The following TEX14 variants were observed in gnomAD, a reference collection of about 807,000 sequenced individuals.
The protein encoded by TEX14 is inactive serine/threonine-protein kinase TEX14.
Under a neutral mutation model 178.6 loss-of-function variants are expected in TEX14, and 168 were observed. The ratio of observed to expected loss-of-function variants is 0.94; its 90% CI spans 0.83 to 1.07. The LOEUF is 1.07. TEX14 is among the 50% of genes least tolerant of loss of function. The pLI is 0.00. For missense variants in TEX14, 1,730 were observed against 1,753.6 expected (o/e 0.99, Z 0.24); for synonymous variants, 626 against 634.1 (o/e 0.99, Z 0.19).
intron 25 of TEX14, 28 bp downstream of exon 25, chr17:58,570,357 T>G: frequency 7.0e-7 from 1 of 1,428,092 alleles, no homozygotes; most frequent in South Asian, 1.5e-5. Flanking sequence ...GATTATAAAC[T>G]TCTATTTTGA....
In TEX14 at chr17:58,615,270, C is replaced by T; in HGVS notation, c.843G>A (p.Arg281=). The change falls in exon 8 of 32, where the codon CGG becomes CGA. Residue 281 remains arginine, a synonymous_variant. Coordinates refer to ENST00000349033, the MANE Select transcript of TEX14 (RefSeq NM_031272.5). ...LPTHPHCSRL[R]LADLLIAEQE... ...GCTCGGCAATTAACAAGTCGGCCAG[C>T]CGCAGCCTGCTGCAGTGTGGGTGGG... 6.2e-7 allele frequency: 1 copy of T among 1,613,808 alleles called. No homozygotes were observed.
intron 19 of TEX14, 99 bp downstream of exon 19, chr17:58,584,401 C>A (rs2044900474): frequency 1.2e-6 from 1 of 819,644 alleles, no homozygotes; most frequent in Non-Finnish European, 2.1e-6. Context: ...AAAAGAACTA[C>A]TATAGCTATT....
At chr17:58,691,397 G>A (rs907137880) in intron 1 of TEX14, among the ~76,000 whole-genome samples, 30 of 151,872 alleles carry the variant, frequency 2.0e-4, no homozygotes, top group African/African-American at 3.6e-4. Context: ...GGCCGGGCGC[G>A]GTGGCTCACG....
In TEX14 at chr17:58,602,434, T is replaced by C; in HGVS notation, c.1493A>G (p.Gln498Arg). ...VKQKDRTMNL[Q>R]DIRYILKNDL... ...ATTCTTCAGAATATACCGGATATCT[T>C]GAAGGTTCATAGTTCGGTCTTTCTG... The change falls in exon 12 of 32, where the codon CAA becomes CGA. Residue 498 changes from glutamine (Q) to arginine (R), a missense_variant. Coordinates refer to ENST00000349033, the MANE Select transcript of TEX14 (RefSeq NM_031272.5). 6.2e-7 allele frequency: 1 copy of C among 1,614,084 alleles called. No homozygotes were observed. Among genetic ancestry groups the C allele is most frequent in the Non-Finnish European group, 8.5e-7 (1 of 1,180,000 alleles).
intron 9 of TEX14, among the ~76,000 whole-genome samples, chr17:58,612,812 G>A (rs1016140686): frequency 1.3e-5 from 2 of 151,704 alleles, no homozygotes; most frequent in Non-Finnish European, 2.9e-5. Flanking sequence ...GGAGGCTGAT[G>A]CAGGATCATT....
chr17:58,607,435 C>T (rs2045635306), intron 10 of TEX14, among the ~76,000 whole-genome samples: 1 of 152,182 alleles, frequency 6.6e-6, no homozygotes, highest in South Asian at 2.1e-4. Context: ...CTCATGGTCT[C>T]ATGGCTGGTG....
In TEX14 at chr17:58,579,797, A is replaced by G. The variant is rs1011888556; in HGVS notation, c.3172-66T>C. 7 of 1,261,524 alleles carry G rather than the reference A, an allele frequency of 5.5e-6. No homozygotes were observed. The Admixed American group carries it at 5.6e-5, about 10-fold the overall frequency. The allele number at this position is 1,261,524 out of a possible 1,614,324, so 78.1% of individuals were successfully genotyped here. ...TGGAGGCAGACATATTAAAAGGTCA[A>G]TAATTTCTTGATGTTCTTAAATCTT... On this transcript the variant is annotated intron_variant, in intron 19 of 31. Transcript: ENST00000349033.
intron 1 of TEX14, among the ~76,000 whole-genome samples, chr17:58,668,305 C>T (rs1248313965): frequency 6.6e-6 from 1 of 152,212 alleles, no homozygotes; most frequent in African/African-American, 2.4e-5. Flanking sequence ...GGTCTCTATA[C>T]CTATCCTGAT....
At chr17:58,563,665 A>G (rs1369832871) in intron 28 of TEX14, among the ~76,000 whole-genome samples, 1 of 15,964 alleles carries the variant, frequency 6.3e-5, no homozygotes, top group African/African-American at 3.3e-4. Flanking sequence ...ATATAGAGAG[A>G]GAGAGAGAGA....
intron 1 of TEX14, chr17:58,661,119 T>C (rs368201474): frequency 2.9e-4 from 260 of 899,774 alleles, no homozygotes; most frequent in Non-Finnish European, 4.5e-4. Context: ...TATCGCTCTA[T>C]TTTAGCCTGT....
chr17:58,638,586 T>A (rs1482092799), intron 2 of TEX14, among the ~76,000 whole-genome samples: 7 of 152,314 alleles, frequency 4.6e-5, no homozygotes, highest in Non-Finnish European at 1.0e-4. Flanking sequence ...TTACCCAGGC[T>A]GGAGTGCAGT....
At chr17:58,654,481 T>C (rs1254514527) in intron 1 of TEX14, among the ~76,000 whole-genome samples, 1 of 148,008 alleles carries the variant, frequency 6.8e-6, no homozygotes, top group Non-Finnish European at 1.5e-5. Context: ...ATAGAAGCTT[T>C]GGAAAAAAAA....
chr17:58,661,021 T>G (rs758232526), intron 1 of TEX14: 1 of 1,158,178 alleles, frequency 8.6e-7, no homozygotes, highest in Admixed American at 1.7e-5. Context: ...GAAGATAATA[T>G]TCACGAACAC....
In TEX14 at chr17:58,621,780, C is replaced by G. The variant is rs1357680056; in HGVS notation, c.424G>C (p.Glu142Gln). 6.2e-7 allele frequency: 1 copy of G among 1,612,974 alleles called. No homozygotes were observed. Among genetic ancestry groups the G allele is most frequent in the Admixed American group, 1.7e-5 (1 of 59,772 alleles). ...AGKERSTQIV[E>Q]FMQRCASHMQ... ...TGTGAGGCACAGCGCTGCATGAACT[C>G]CACTATCTGCAAAACATCGCAGAGA... Residue 142 changes from glutamate to glutamine, a missense_variant, in exon 5 of 32, where the codon GAG becomes CAG. Transcript: ENST00000349033.
intron 10 of TEX14, among the ~76,000 whole-genome samples, chr17:58,609,853 G>C (rs2045703929): frequency 1.3e-5 from 2 of 152,220 alleles, no homozygotes; most frequent in Admixed American, 6.5e-5. Context: ...GCCTCATGTA[G>C]CTTTTCATCT....
chr17:58,584,554 A>T lies in TEX14; in HGVS notation c.3117T>A (p.Ser1039Arg). Residue 1039 changes from serine to arginine, a missense_variant, in exon 19 of 32, where the codon AGT becomes AGA. Physicochemically the swap from Ser to Arg is moderately radical, Grantham distance 110. Coordinates refer to ENST00000349033, the MANE Select transcript of TEX14 (RefSeq NM_031272.5). Reference sequence around the variant, plus strand: ...TGTCAGAACTTGCTTGGAAGGCTTCACTATGCTCTGGTTGCTCCTTTTGTC... The same window carrying T: ...TGTCAGAACTTGCTTGGAAGGCTTCTCTATGCTCTGGTTGCTCCTTTTGTC... ...SPRQKEQPEH[S>R]EAFQASSDTL... The T allele has an allele frequency of 6.2e-7, 1 of 1,614,138 alleles. No homozygotes were observed. Among genetic ancestry groups the T allele is most frequent in the Non-Finnish European group, 8.5e-7 (1 of 1,180,020 alleles).
Position 58,586,678 on chromosome 17 carries a change from G to A in TEX14, c.2789-596C>T, listed in dbSNP as rs151251030. Reference sequence around the variant, plus strand: ...ATAATGTTATATAGTAAATATCTATGTAGCAGTTCCTCAAATAATGTCATT... The same window carrying A: ...ATAATGTTATATAGTAAATATCTATATAGCAGTTCCTCAAATAATGTCATT... On this transcript the variant is annotated intron_variant, in intron 17 of 31. Coordinates refer to ENST00000349033, the MANE Select transcript of TEX14 (RefSeq NM_031272.5). 5.9e-5 allele frequency among the ~76,000 whole-genome samples: 9 copies of A among 151,986 alleles called. No homozygotes were observed. In the East Asian group the frequency reaches 1.7e-3, roughly 29 times the overall value.
At chr17:58,563,695 A>C (rs2044333156) in intron 28 of TEX14, among the ~76,000 whole-genome samples, 2 of 34,820 alleles carry the variant, frequency 5.7e-5, no homozygotes, top group African/African-American at 2.2e-4. Flanking sequence ...AGAGAGAGAG[A>C]GAGAGAGCGC....
In TEX14 at chr17:58,569,262, T is replaced by C. The variant is rs771924033; in HGVS notation, c.3818-2A>G. The C allele has an allele frequency of 6.8e-6, 11 of 1,613,484 alleles. No individual in the cohort carries two copies. Among genetic ancestry groups the C allele is most frequent in the African/African-American group, 4.0e-5 (3 of 74,900 alleles). On this transcript the variant is annotated splice_acceptor_variant, in intron 25 of 31. Transcript: ENST00000349033. LOFTEE classifies it high-confidence loss of function. The surrounding 1 kb of genome is among the most constrained non-coding windows in gnomAD (Gnocchi z 4.1). ...TGTGATGCTGTGAGAAGGCTTCTAC[T>C]AGTTTTTAAAAAAGACAAAAGGGAA...
Sources: gnomAD v4.1 joint callset for allele counts (sites outside exome capture counted in the v4.1 genomes callset) on GRCh38, gnomAD v4.1.1 for gene constraint, Gnocchi (gnomAD v3.1) non-coding constraint, MANE v1.5 for transcripts, NCBI Gene and HGNC (gene_info 2026-07-23, HGNC 2026-07-21) for gene names.